The following PML variants were observed in gnomAD, a reference collection of about 807,000 sequenced individuals.
The protein encoded by PML is protein PML.
Under a neutral mutation model 65.2 loss-of-function variants are expected in PML, and 28 were observed. The ratio of observed to expected loss-of-function variants is 0.43; its 90% CI spans 0.32 to 0.59. The LOEUF (loss-of-function observed/expected upper bound fraction) is 0.59. Among genes scored for constraint, PML ranks in the 20% least tolerant of loss-of-function variants. The pLI is 0.08. For synonymous variants in PML, 500 were observed against 508.8 expected (o/e 0.98, Z 0.23); for missense variants, 1,021 against 1,203.4 (o/e 0.85, Z 2.24).
rs1236987495 is a variant in PML at position 74,044,947 on chromosome 15, A to G, written c.2588A>G (p.Glu863Gly). 8.7e-6 allele frequency: 14 copies of G among 1,612,480 alleles called. No individual in the cohort carries two copies. The highest frequency in any genetic ancestry group is 1.2e-5 in the Non-Finnish European group (14 of 1,179,740). Reference sequence around the variant, plus strand: ...GAGGGTCCGGCGCTGGCACGGGCAGAAGGAGTCTCCACCCCACTTGCTGGC... The same window carrying G: ...GAGGGTCCGGCGCTGGCACGGGCAGGAGGAGTCTCCACCCCACTTGCTGGC... Reference protein sequence around the residue: ...LLEGPALARAEGVSTPLAGRG... With the variant: ...LLEGPALARAGGVSTPLAGRG... The change falls in exon 9 of 9, where the codon GAA becomes GGA. Residue 863 changes from glutamate to glycine, a missense_variant. Coordinates refer to ENST00000268058, the MANE Select transcript of PML (RefSeq NM_033238.3).
In PML at chr15:74,044,608, T is replaced by C. The variant is rs754228130; in HGVS notation, c.2249T>C (p.Met750Thr). 2 of 1,607,982 alleles carry C rather than the reference T, an allele frequency of 1.2e-6. No homozygotes were observed. The highest frequency in any genetic ancestry group is 1.1e-5 in the South Asian group (1 of 91,078). Residue 750 changes from methionine (M) to threonine (T), a missense_variant, in exon 9 of 9, where the codon ATG (methionine) becomes ACG (threonine). By Grantham distance (81) the Met-to-Thr change is moderately conservative. Transcript: ENST00000268058. ...AGCGCCATGGCTGCCGTGCTGGCCA[T>C]GCGTGACCTGTGCCGCCTCCTCGAG... ...ERSAMAAVLAMRDLCRLLEVS... is the reference protein window; with the variant it reads ...ERSAMAAVLATRDLCRLLEVS...
Position 74,046,999 on chromosome 15 carries a change from C to T in PML, c.*1991C>T. 4.4e-6 allele frequency: 1 copy of T among 229,692 alleles called. No homozygotes were observed. The highest frequency in any genetic ancestry group is 2.2e-5 in the African/African-American group (1 of 45,224). The allele number at this position is 229,692 out of a possible 1,614,324, so 14.2% of individuals were successfully genotyped here. On this transcript the variant is annotated 3_prime_UTR_variant, in exon 9 of 9. Coordinates refer to ENST00000268058, the MANE Select transcript of PML (RefSeq NM_033238.3). ...TCCCCCCACATGACAAGTGGGGAGA[C>T]CCAGGGTAGGCTTTCCTTTGGATCA... is the stretch of plus-strand genomic sequence containing the variant.
At chr15:74,024,112 G>A (rs1413325500) in intron 3 of PML, among the ~76,000 whole-genome samples, 1 of 152,074 alleles carries the variant, frequency 6.6e-6, no homozygotes, top group Non-Finnish European at 1.5e-5. Context: ...AGGGGTAGGG[G>A]GAGTGTGCCA....
At position 74,043,692 on chromosome 15, in the gene PML, T is replaced by G. The variant is rs2071738278; in HGVS notation, c.1862-529T>G. 7.5e-6 allele frequency: 4 copies of G among 530,852 alleles called. No homozygotes were observed. Among genetic ancestry groups the G allele is most frequent in the South Asian group, 5.6e-5 (4 of 71,514 alleles). The allele number at this position is 530,852 out of a possible 1,614,324, so 32.9% of individuals were successfully genotyped here. ...CTACCCTGTGGCATGGACTCAACAT[T>G]GGGGCTAGCCCAGCCAGACAGAAAC... is the stretch of plus-strand genomic sequence containing the variant. On this transcript the variant is annotated intron_variant, in intron 8 of 8. Coordinates refer to ENST00000268058, the MANE Select transcript of PML (RefSeq NM_033238.3). The surrounding 1 kb of genome is among the most constrained non-coding windows in gnomAD (Gnocchi z 4.3).
Position 74,033,340 on chromosome 15 carries a change from C to T in PML, c.1583C>T (p.Pro528Leu). ...SPPHLDGPPS[P>L]RSPVIGSEVF... is the part of the protein sequence containing the mutation. The stretch of plus-strand genomic sequence containing the variant: ...CCCCACCTGGATGGACCGCCTAGCC[C>T]CAGGAGCCCCGTCATAGGAAGTGAG... The change falls in exon 6 of 9, where the codon CCC becomes CTC. Residue 528 changes from proline (P) to leucine (L), a missense_variant. By Grantham distance (98) the Pro-to-Leu change is moderately conservative. Coordinates refer to ENST00000268058, the MANE Select transcript of PML (RefSeq NM_033238.3). The T allele has an allele frequency of 1.2e-6, 2 of 1,614,084 alleles. No homozygotes were observed. The highest frequency in any genetic ancestry group is 2.7e-5 in the African/African-American group (2 of 75,034).
At chr15:74,002,407 C>A (rs1402768025) in intron 2 of PML, among the ~76,000 whole-genome samples, 1 of 142,768 alleles carries the variant, frequency 7.0e-6, no homozygotes, top group African/African-American at 2.6e-5. Flanking sequence ...GTGTGTGTAT[C>A]TCCACGCTAT....
At position 74,035,703 on chromosome 15, in the gene PML, A is replaced by C; in HGVS notation, c.1710+1173A>C. ...CTCCCATTTATCCCAGTGGCTCAACAACTTTTTTGCCCTCCCCTTCTCCTC... is the reference window on the plus strand; with the variant it reads ...CTCCCATTTATCCCAGTGGCTCAACCACTTTTTTGCCCTCCCCTTCTCCTC... On this transcript the variant is annotated intron_variant, in intron 7 of 8. Transcript: ENST00000268058. This position sits in a 1 kb window ranked among gnomAD's most constrained non-coding sequence, Gnocchi z 4.1. 6.2e-7 allele frequency: 1 copy of C among 1,613,956 alleles called. No individual in the cohort carries two copies. The highest frequency in any genetic ancestry group is 8.5e-7 in the Non-Finnish European group (1 of 1,179,974).
intron 7 of PML, chr15:74,036,220 C>A: frequency 6.4e-7 from 1 of 1,556,564 alleles, no homozygotes; most frequent in East Asian, 2.3e-5. Context: ...TTCTGTCACC[C>A]TTGCACTCTC....
At chr15:73,997,454 A>G (rs1343453069) in intron 1 of PML, among the ~76,000 whole-genome samples, 5 of 152,228 alleles carry the variant, frequency 3.3e-5, no homozygotes, top group Non-Finnish European at 7.3e-5. Context: ...ATATTCCATT[A>G]TATGTGTAGA....
chr15:74,034,871 T>C (rs2071474024), intron 7 of PML: 3 of 1,437,244 alleles, frequency 2.1e-6, no homozygotes, highest in Non-Finnish European at 2.7e-6. Context: ...TGGACAAGAA[T>C]CCATTCCTTG....
At chr15:74,021,611 A>G (rs2070839540) in intron 2 of PML, among the ~76,000 whole-genome samples, 1 of 152,118 alleles carries the variant, frequency 6.6e-6, no homozygotes, top group Admixed American at 6.6e-5. Flanking sequence ...AAATAAAAAT[A>G]TTAAAATACA....
chr15:74,004,989 G>A (rs1053597217), intron 2 of PML, among the ~76,000 whole-genome samples: 2 of 152,110 alleles, frequency 1.3e-5, no homozygotes, highest in Non-Finnish European at 2.9e-5. Flanking sequence ...TGGGATTATA[G>A]GCGTGAGCCA....
chr15:74,043,455 G>A lies in PML; in HGVS notation c.1861+316G>A. ...TCCTAGACAGAAACACAATGCGTGA[G>A]CTCATTGCCGTGAGCCCTGTCATCC... On this transcript the variant is annotated intron_variant, in intron 8 of 8. Coordinates refer to ENST00000268058, the MANE Select transcript of PML (RefSeq NM_033238.3). This position sits in a 1 kb window ranked among gnomAD's most constrained non-coding sequence, Gnocchi z 4.3. 4 of 1,261,800 alleles carry A rather than the reference G, an allele frequency of 3.2e-6. No homozygotes were observed. Among genetic ancestry groups the A allele is most frequent in the Non-Finnish European group, 4.2e-6 (4 of 961,704 alleles). 78.2% of individuals were successfully genotyped at this position (1,261,800 alleles called of 1,614,324 possible).
Position 74,042,387 on chromosome 15 carries a change from G to A in PML, c.1711-602G>A, listed in dbSNP as rs945300320. The stretch of plus-strand genomic sequence containing the variant: ...CCTTTGTGTAGGACACTGGCACCTC[G>A]GCTGACTTCGGGGACAAGAAAAGGC... On this transcript the variant is annotated intron_variant, in intron 7 of 8. Coordinates refer to ENST00000268058, the MANE Select transcript of PML (RefSeq NM_033238.3). The surrounding 1 kb of genome is among the most constrained non-coding windows in gnomAD (Gnocchi z 5.3). 23 of 985,284 alleles carry A rather than the reference G, an allele frequency of 2.3e-5. No individual in the cohort carries two copies. Among genetic ancestry groups the A allele is most frequent in the South Asian group, 4.7e-5 (1 of 21,288 alleles). 61.0% of individuals were successfully genotyped at this position (985,284 alleles called of 1,614,324 possible).
Position 74,022,980 on chromosome 15 carries a change from G to C in PML, c.755G>C (p.Ser252Thr). The C allele has an allele frequency of 6.2e-7, 1 of 1,610,436 alleles. No homozygotes were observed. The highest frequency in any genetic ancestry group is 8.5e-7 in the Non-Finnish European group (1 of 1,178,936). ...AMTQALQEQD[S>T]AFGAVHAQMH... ...ACGCAGGCGCTGCAGGAGCAGGATA[G>C]TGCCTTTGGCGCGGTTCACGCGCAG... Residue 252 changes from serine to threonine, a missense_variant, in exon 3 of 9, where the codon AGT becomes ACT. Transcript: ENST00000268058.
At chr15:73,995,988 G>A (rs866105357) in intron 1 of PML, among the ~76,000 whole-genome samples, 2 of 152,098 alleles carry the variant, frequency 1.3e-5, no homozygotes, top group Admixed American at 6.5e-5. Context: ...TCCTGACCTC[G>A]TGATCCACCC....
At chr15:74,027,604 G>C (rs1345875724) in intron 4 of PML, 3 of 152,204 alleles carry the variant, frequency 2.0e-5, no homozygotes, top group African/African-American at 7.2e-5. Flanking sequence ...AATGCCCTTG[G>C]TCCACAGACT....
Position 74,023,314 on chromosome 15 carries a change from G to C in PML, c.1089G>C (p.Glu363Asp). The C allele has an allele frequency of 6.2e-7, 1 of 1,608,400 alleles. No individual in the cohort carries two copies. The highest frequency in any genetic ancestry group is 8.5e-7 in the Non-Finnish European group (1 of 1,179,750). Residue 363 changes from glutamate to aspartate, a missense_variant, in exon 3 of 9, where the codon GAG (glutamate) becomes GAC (aspartate). By Grantham distance (45) the Glu-to-Asp change is conservative (BLOSUM62 2). Coordinates refer to ENST00000268058, the MANE Select transcript of PML (RefSeq NM_033238.3). ...CGCTCTGCCGCCTGCGCCAGGAGGA[G>C]CCCCAGAGCCTGCAAGCTGCCGTGC... ...RQALCRLRQE[E>D]PQSLQAAVRT... is the part of the protein sequence containing the mutation.
Position 74,037,706 on chromosome 15 carries a change from G to A in PML, c.1710+3176G>A, listed in dbSNP as rs139232239. The A allele has an allele frequency of 1.6e-3, 1,578 of 985,318 alleles. 19 individuals are homozygous for A. In the African/African-American group the frequency reaches 0.022, roughly 14 times the overall value. 61.0% of individuals were successfully genotyped at this position (985,318 alleles called of 1,614,324 possible). A position where few individuals can be genotyped will look rare whatever the true frequency, so the allele number is the denominator to read the frequency against. Reference sequence around the variant, plus strand: ...GGGCCCGGTCTTTCCTGGAAAGATCGCCTGCTCGGATGCAGCTCTGGGCAC... The same window carrying A: ...GGGCCCGGTCTTTCCTGGAAAGATCACCTGCTCGGATGCAGCTCTGGGCAC... On this transcript the variant is annotated intron_variant, in intron 7 of 8. Transcript: ENST00000268058. This position sits in a 1 kb window ranked among gnomAD's most constrained non-coding sequence, Gnocchi z 4.2.
Sources: gnomAD v4.1 joint callset for allele counts (sites outside exome capture counted in the v4.1 genomes callset) on GRCh38, gnomAD v4.1.1 for gene constraint, Gnocchi (gnomAD v3.1) non-coding constraint, MANE v1.5 for transcripts, NCBI Gene and HGNC (gene_info 2026-07-23, HGNC 2026-07-21) for gene names.